The following KIAA1217 variants were observed in gnomAD, a reference collection of about 807,000 sequenced individuals.
KIAA1217 encodes the protein KIAA1217.
KIAA1217 carries 88 observed loss-of-function variants against 163.9 expected under a neutral mutation model. The observed-to-expected ratio is 0.54, with a 90% confidence interval of 0.45 to 0.64. The LOEUF (loss-of-function observed/expected upper bound fraction) is 0.64, where lower values mean the gene tolerates loss of function less well. Among genes scored for constraint, KIAA1217 ranks in the 30% least tolerant of loss-of-function variants. KIAA1217 has a pLI of 0.00. For missense variants in KIAA1217, 2,372 were observed against 2,475.0 expected, an observed-to-expected ratio of 0.96 and a Z score of 0.88; for synonymous variants, 903 against 923.1, an observed-to-expected ratio of 0.98 and a Z score of 0.39.
intron 1 of KIAA1217, among the ~76,000 whole-genome samples, chr10:23,956,452 C>A (rs1385312971): frequency 6.6e-6 from 1 of 151,994 alleles, no homozygotes; most frequent in African/African-American, 2.4e-5. Context: ...AGGCAGTGGG[C>A]TAATTACCTC....
At chr10:24,305,123 T>C (rs1241261197) in intron 2 of KIAA1217, among the ~76,000 whole-genome samples, 1 of 152,190 alleles carries the variant, frequency 6.6e-6, no homozygotes, top group African/African-American at 2.4e-5. Context: ...GTGTGACGTG[T>C]GTTTATAACA....
chr10:24,275,027 TC>T (rs1166332710), intron 2 of KIAA1217, among the ~76,000 whole-genome samples: 3 of 152,144 alleles, frequency 2.0e-5, no homozygotes, highest in Non-Finnish European at 4.4e-5. Flanking sequence ...AGCCTCAAAC[TC>T]CTGGGCTCAA....
chr10:24,261,317 G>T (rs1026189206), intron 2 of KIAA1217, among the ~76,000 whole-genome samples: 2 of 152,084 alleles, frequency 1.3e-5, no homozygotes, highest in African/African-American at 4.8e-5. Flanking sequence ...GGCCAACATG[G>T]TGAAACCCCT....
At chr10:24,185,522 T>A (rs745497460) in intron 2 of KIAA1217, among the ~76,000 whole-genome samples, 4 of 152,184 alleles carry the variant, frequency 2.6e-5, no homozygotes, top group Non-Finnish European at 4.4e-5. Flanking sequence ...TGGCCAGGTA[T>A]GGTGGCTCAT....
chr10:24,170,345 T>A (rs1162923342), intron 2 of KIAA1217, among the ~76,000 whole-genome samples: 1 of 152,056 alleles, frequency 6.6e-6, no homozygotes, highest in Admixed American at 6.6e-5. Context: ...GATGAATGAG[T>A]CTTTTTCAAG....
intron 2 of KIAA1217, among the ~76,000 whole-genome samples, chr10:24,228,810 C>G (rs577500632): frequency 6.6e-6 from 1 of 152,268 alleles, no homozygotes; most frequent in South Asian, 2.1e-4. Context: ...ATTATTTTAT[C>G]AATTTTGTTA....
intron 8 of KIAA1217, among the ~76,000 whole-genome samples, chr10:24,497,320 C>T (rs1433227818): frequency 6.6e-6 from 1 of 152,108 alleles, no homozygotes; most frequent in Non-Finnish European, 1.5e-5. Context: ...TTATACTGAG[C>T]ATTAGATCAT....
At chr10:23,743,048 A>C (rs1290614558) in intron 1 of KIAA1217, among the ~76,000 whole-genome samples, 1 of 152,200 alleles carries the variant, frequency 6.6e-6, no homozygotes. Context: ...CCTGGGATCA[A>C]AGCCAAAACT....
At chr10:24,166,562 A>C (rs528374742) in intron 2 of KIAA1217, among the ~76,000 whole-genome samples, 1 of 152,230 alleles carries the variant, frequency 6.6e-6, no homozygotes, top group South Asian at 2.1e-4. Flanking sequence ...ACAAAGTGAA[A>C]CCCCATCTCT....
intron 1 of KIAA1217, among the ~76,000 whole-genome samples, chr10:23,946,684 A>C (rs1048489915): frequency 1.3e-5 from 2 of 152,202 alleles, no homozygotes; most frequent in African/African-American, 4.8e-5. Flanking sequence ...TCATCACATA[A>C]CAGCCTACAT....
Position 24,543,544 on chromosome 10 carries a change from G to C in KIAA1217, c.4274G>C (p.Arg1425Pro). Reference protein sequence around the residue: ...NIDARKEMTPRQEGTDNEDPV... With the variant: ...NIDARKEMTPPQEGTDNEDPV... ...GATGCCAGAAAAGAGATGACCCCCC[G>C]ACAAGAAGGGACTGACAATGAGGAT... Residue 1425 changes from arginine (R) to proline (P), a missense_variant, in exon 19 of 21, where the codon CGA (arginine) becomes CCA (proline). Arg to Pro is a moderately radical substitution (Grantham distance 103). Around this residue, in one of 3 missense-constraint regions of KIAA1217, gnomAD observed 690 missense variants for 677.5 expected, o/e 1.02. Coordinates refer to ENST00000376454, the MANE Select transcript of KIAA1217 (RefSeq NM_019590.5). The C allele has an allele frequency of 6.2e-7, 1 of 1,614,098 alleles. No homozygotes were observed. The highest frequency in any genetic ancestry group is 8.5e-7 in the Non-Finnish European group (1 of 1,180,030).
chr10:24,080,123 T>G (rs992632431), intron 2 of KIAA1217, among the ~76,000 whole-genome samples: 3 of 152,214 alleles, frequency 2.0e-5, no homozygotes, highest in East Asian at 3.8e-4. Context: ...AAACCAGTGT[T>G]GAGTGGCTTC....
At chr10:24,154,149 G>A (rs926957283) in intron 2 of KIAA1217, among the ~76,000 whole-genome samples, 1 of 151,624 alleles carries the variant, frequency 6.6e-6, no homozygotes, top group Non-Finnish European at 1.5e-5. Context: ...AGTAGAGACG[G>A]GGTTTCACCG....
chr10:24,062,987 G>GT (rs943514640), intron 2 of KIAA1217, among the ~76,000 whole-genome samples: 51 of 148,766 alleles, frequency 3.4e-4, no homozygotes, highest in Non-Finnish European at 4.5e-4. Context: ...CGATGGGGTT[G>GT]TTTTTTTTTT....
intron 2 of KIAA1217, among the ~76,000 whole-genome samples, chr10:24,347,577 A>G (rs185550723): frequency 1.4e-4 from 22 of 152,314 alleles, no homozygotes; most frequent in Admixed American, 1.3e-3. Context: ...GGCTTACATC[A>G]CAAGTTTTAT....
At chr10:24,359,345 G>C (rs10764471) in intron 2 of KIAA1217, among the ~76,000 whole-genome samples, 2 of 151,392 alleles carry the variant, frequency 1.3e-5, no homozygotes, top group African/African-American at 4.8e-5. Context: ...TGCCCGCCTC[G>C]GCCTCCCAAA....
intron 5 of KIAA1217, among the ~76,000 whole-genome samples, chr10:24,450,355 T>C (rs1418149746): frequency 6.6e-6 from 1 of 152,214 alleles, no homozygotes; most frequent in Non-Finnish European, 1.5e-5. Context: ...CATTAAAAAC[T>C]TCTACAGTTT....
intron 3 of KIAA1217, among the ~76,000 whole-genome samples, chr10:24,388,806 T>A (rs1292387948): frequency 1.3e-5 from 2 of 149,506 alleles, no homozygotes; most frequent in African/African-American, 2.5e-5. Flanking sequence ...CATGAAAAAA[T>A]GCTCATCATC....
In KIAA1217 at chr10:24,088,332, C is replaced by T. The variant is rs1263881285; in HGVS notation, c.-171+80958C>T. Among the ~76,000 whole-genome samples, 3 of 114,384 alleles carry T rather than the reference C, an allele frequency of 2.6e-5. 1 individual carries two copies. The highest frequency in any genetic ancestry group is 8.7e-5 in the Admixed American group (1 of 11,500). 75.0% of individuals were successfully genotyped at this position (114,384 alleles called of 152,430 possible). A position where few individuals can be genotyped will look rare whatever the true frequency, so the allele number is the denominator to read the frequency against. On this transcript the variant is annotated intron_variant, in intron 2 of 18. Coordinates refer to the KIAA1217 transcript ENST00000376462. ...TTATTATACTTTAAGTTCTAGGGTA[C>T]ATGTGCACAACGTGCAGGTTTGTTA... is the stretch of plus-strand genomic sequence containing the variant.
Sources: allele counts gnomAD v4.1 joint callset (sites outside exome capture counted in the v4.1 genomes callset), GRCh38; gene constraint gnomAD v4.1.1; regional missense constraint gnomAD v4.1.1; transcripts MANE v1.5; gene names NCBI Gene and HGNC (gene_info 2026-07-23, HGNC 2026-07-21).